The following PHLPP1 variants were observed in gnomAD, a reference collection of about 807,000 sequenced individuals.
PHLPP1 encodes PH domain leucine-rich repeat-containing protein phosphatase 1.
A neutral mutation model predicts 117.2 loss-of-function variants in PHLPP1; 42 were observed. That is an observed-to-expected ratio of 0.36 (90% CI 0.28 to 0.46). The LOEUF (loss-of-function observed/expected upper bound fraction) is 0.46, where lower values mean the gene tolerates loss of function less well. Among genes scored for constraint, PHLPP1 ranks in the 20% least tolerant of loss-of-function variants. The pLI is 1.00. For missense variants in PHLPP1, 2,084 were observed against 2,241.9 expected, an observed-to-expected ratio of 0.93 and a Z score of 1.42; for synonymous variants, 1,042 against 970.7, an observed-to-expected ratio of 1.07 and a Z score of -1.37.
intron 1 of PHLPP1, among the ~76,000 whole-genome samples, chr18:62,816,683 G>T (rs1390759806): frequency 6.6e-6 from 1 of 150,518 alleles, no homozygotes; most frequent in Non-Finnish European, 1.5e-5. Flanking sequence ...AGTGGTAAAT[G>T]GTTGTAGTTT....
At chr18:62,887,774 A>G (rs1296095912) in intron 4 of PHLPP1, among the ~76,000 whole-genome samples, 1 of 151,942 alleles carries the variant, frequency 6.6e-6, no homozygotes. Context: ...GTCTCACTGT[A>G]TTGCCTAGGC....
chr18:62,916,936 T>C (rs1456248149), intron 9 of PHLPP1, among the ~76,000 whole-genome samples: 1 of 150,452 alleles, frequency 6.6e-6, no homozygotes. Flanking sequence ...GTATTTTTAG[T>C]AGAGACGGGG....
chr18:62,751,204 G>A (rs1409393087), intron 1 of PHLPP1, among the ~76,000 whole-genome samples: 1 of 152,110 alleles, frequency 6.6e-6, no homozygotes, highest in African/African-American at 2.4e-5. Context: ...GAATTGATCT[G>A]GAAACATTTC....
intron 1 of PHLPP1, among the ~76,000 whole-genome samples, chr18:62,764,011 A>G (rs988833223): frequency 6.6e-6 from 1 of 151,908 alleles, no homozygotes; most frequent in African/African-American, 2.4e-5. Flanking sequence ...GAAAATACAA[A>G]AATTAGCCGG....
intron 1 of PHLPP1, among the ~76,000 whole-genome samples, chr18:62,731,835 A>G (rs1911234194): frequency 6.6e-6 from 1 of 152,250 alleles, no homozygotes; most frequent in Admixed American, 6.5e-5. Flanking sequence ...AGTGGTCTAC[A>G]TAGAAGATCA....
intron 4 of PHLPP1, among the ~76,000 whole-genome samples, chr18:62,893,266 A>G (rs2144396818): frequency 6.6e-6 from 1 of 152,132 alleles, no homozygotes; most frequent in East Asian, 1.9e-4. Context: ...GCTGGTCTTG[A>G]ACTCCTGACC....
intron 6 of PHLPP1, among the ~76,000 whole-genome samples, chr18:62,897,707 A>C (rs1916599687): frequency 6.6e-6 from 1 of 152,170 alleles, no homozygotes; most frequent in African/African-American, 2.4e-5. Flanking sequence ...GGGGTTCACC[A>C]TATTGGCCAG....
At position 62,870,456 on chromosome 18, in the gene PHLPP1, G is replaced by A. The variant is rs1599093813; in HGVS notation, c.2066+9855G>A. Among the ~76,000 whole-genome samples the A allele has an allele frequency of 2.0e-5, 3 of 152,260 alleles. No individual in the cohort carries two copies. In the East Asian group the frequency reaches 5.8e-4, roughly 29 times the overall value. ...ACTTAGTGTGGTGGCTTCGAAATAT[G>A]CCATATATTTAGTTGCTTATTTTTA... On this transcript the variant is annotated intron_variant, in intron 4 of 16. Coordinates refer to ENST00000262719, the MANE Select transcript of PHLPP1 (RefSeq NM_194449.4).
chr18:62,926,871 G>A (rs1158340780), intron 10 of PHLPP1, among the ~76,000 whole-genome samples: 1 of 152,090 alleles, frequency 6.6e-6, no homozygotes, highest in African/African-American at 2.4e-5. Context: ...AGAGAAATAA[G>A]CATCAATTCC....
chr18:62,914,786 T>G (rs987617776), intron 8 of PHLPP1, 127 bp from the exon 9 acceptor site: 4 of 645,894 alleles, frequency 6.2e-6, no homozygotes, highest in Non-Finnish European at 1.1e-5. Flanking sequence ...CCACACATTC[T>G]TTCGATTTAT....
Position 62,715,744 on chromosome 18 carries a change from G to T in PHLPP1, c.61G>T (p.Ala21Ser). The T allele has an allele frequency of 1.6e-6, 2 of 1,224,600 alleles. No individual in the cohort carries two copies. Among genetic ancestry groups the T allele is most frequent in the Non-Finnish European group, 2.0e-6 (2 of 981,230 alleles). 75.9% of individuals were successfully genotyped at this position (1,224,600 alleles called of 1,614,324 possible). A position where few individuals can be genotyped will look rare whatever the true frequency, so the allele number is the denominator to read the frequency against. Residue 21 changes from alanine to serine, a missense_variant, in exon 1 of 17, where the codon GCT (alanine) becomes TCT (serine). Physicochemically the swap from Ala to Ser is moderately conservative, Grantham distance 99 (BLOSUM62 1). Transcript: ENST00000262719. Reference sequence around the variant, plus strand: ...CCCCGAGCTCGGCAGGGAGGACCGAGCTTCGGCTCCGGCGGCCGCCGCTGC... The same window carrying T: ...CCCCGAGCTCGGCAGGGAGGACCGATCTTCGGCTCCGGCGGCCGCCGCTGC... ...RLPELGREDR[A>S]SAPAAAAAAA...
chr18:62,918,312 A>G (rs1161884735), intron 9 of PHLPP1, among the ~76,000 whole-genome samples: 1 of 151,696 alleles, frequency 6.6e-6, no homozygotes, highest in African/African-American at 2.4e-5. Context: ...ACCCAAAAGA[A>G]TTGAACTAAA....
At chr18:62,726,931 A>G (rs1487965491) in intron 1 of PHLPP1, among the ~76,000 whole-genome samples, 1 of 151,674 alleles carries the variant, frequency 6.6e-6, no homozygotes, top group Non-Finnish European at 1.5e-5. Context: ...ATCATCATTT[A>G]AGATAGGAAG....
At chr18:62,743,852 G>C (rs1161101573) in intron 1 of PHLPP1, among the ~76,000 whole-genome samples, 3 of 151,908 alleles carry the variant, frequency 2.0e-5, no homozygotes, top group Non-Finnish European at 4.4e-5. Flanking sequence ...TTTCTCACAG[G>C]GTGAGTTTTT....
At chr18:62,773,521 T>C (rs1912859192) in intron 1 of PHLPP1, among the ~76,000 whole-genome samples, 1 of 152,238 alleles carries the variant, frequency 6.6e-6, no homozygotes, top group South Asian at 2.1e-4. Flanking sequence ...GTGTTTTCTT[T>C]ATTCATACTT....
intron 10 of PHLPP1, among the ~76,000 whole-genome samples, chr18:62,931,121 C>T (rs941258372): frequency 1.5e-4 from 22 of 150,898 alleles, no homozygotes; most frequent in African/African-American, 4.9e-4. Flanking sequence ...TGCTTGAACC[C>T]GGGAGGCAGA....
intron 3 of PHLPP1, among the ~76,000 whole-genome samples, chr18:62,857,511 G>T (rs1041241706): frequency 3.9e-5 from 6 of 152,168 alleles, no homozygotes; most frequent in Non-Finnish European, 4.4e-5. Flanking sequence ...CAGCAGATAG[G>T]ACACTCAGAT....
At chr18:62,827,965 G>A (rs1018288358) in intron 1 of PHLPP1, among the ~76,000 whole-genome samples, 2 of 151,840 alleles carry the variant, frequency 1.3e-5, no homozygotes, top group African/African-American at 4.8e-5. Flanking sequence ...TATTCTTGAA[G>A]CCACTCTCTG....
chr18:62,893,064 CAG>C (rs767597349), intron 4 of PHLPP1, among the ~76,000 whole-genome samples: 68 of 147,244 alleles, frequency 4.6e-4, no homozygotes, highest in Admixed American at 1.1e-3. Flanking sequence ...TTTTTTGAGG[CAG>C]AGTCTCGCTC....
Sources: allele counts gnomAD v4.1 joint callset (sites outside exome capture counted in the v4.1 genomes callset), GRCh38; gene constraint gnomAD v4.1.1; transcripts MANE v1.5; gene names NCBI Gene and HGNC (gene_info 2026-07-23, HGNC 2026-07-21).